DPP6: variants seen among roughly 807,000 people sequenced by gnomAD.
DPP6 encodes A-type potassium channel modulatory protein DPP6.
In DPP6, 69 loss-of-function variants were observed where a neutral mutation model predicts 122.6. The ratio of observed to expected loss-of-function variants is 0.56; its 90% CI spans 0.46 to 0.69. The LOEUF (loss-of-function observed/expected upper bound fraction) is 0.69, where lower values mean the gene tolerates loss of function less well. Among genes scored for constraint, DPP6 ranks in the 30% least tolerant of loss-of-function variants. The probability of loss-of-function intolerance (pLI) is 0.00; values close to 1 mark genes in which losing one functional copy is unlikely to be tolerated. For synonymous variants in DPP6, 418 were observed against 433.1 expected (o/e 0.97, Z 0.43); for missense variants, 928 against 1,116.9 (o/e 0.83, Z 2.41).
At chr7:154,637,689 CTT>C (rs1334309403) in intron 5 of DPP6, 130 bp from the exon 6 acceptor site, 2 of 837,446 alleles carry the variant, frequency 2.4e-6, no homozygotes, top group Non-Finnish European at 3.6e-6. Flanking sequence ...AAATAAAAGA[CTT>C]TGTCTCCAGG....
chr7:154,539,286 G>A (rs1008840309), intron 3 of DPP6, among the ~76,000 whole-genome samples: 8 of 152,174 alleles, frequency 5.3e-5, no homozygotes, highest in Non-Finnish European at 1.0e-4. Flanking sequence ...GGTAGTGGCT[G>A]CAAAATGGTA....
intron 5 of DPP6, among the ~76,000 whole-genome samples, chr7:154,615,889 G>A (rs2015100): frequency 0.41 from 62,302 of 151,944 alleles, 13,653 homozygotes; most frequent in East Asian, 0.61. Flanking sequence ...ACTGACTCCC[G>A]CTTCCCACTC....
chr7:153,897,963 G>A (rs1448380845), intron 1 of DPP6, among the ~76,000 whole-genome samples: 2 of 152,144 alleles, frequency 1.3e-5, no homozygotes, highest in Non-Finnish European at 2.9e-5. Context: ...AAAGCTGTGT[G>A]GATAAGGAGC....
chr7:154,844,260 T>G (rs560901363), intron 16 of DPP6, among the ~76,000 whole-genome samples: 2 of 152,320 alleles, frequency 1.3e-5, no homozygotes, highest in East Asian at 3.9e-4. Context: ...AAAAAACCAA[T>G]GTGGTAAAAA....
intron 8 of DPP6, among the ~76,000 whole-genome samples, chr7:154,764,133 A>G (rs1377433136): frequency 6.6e-6 from 1 of 152,120 alleles, no homozygotes; most frequent in Non-Finnish European, 1.5e-5. Flanking sequence ...TGGGATACAG[A>G]GGGGAGAGCT....
At chr7:154,060,303 C>T (rs1222863349) in intron 1 of DPP6, among the ~76,000 whole-genome samples, 2 of 134,588 alleles carry the variant, frequency 1.5e-5, no homozygotes, top group Non-Finnish European at 1.7e-5. Flanking sequence ...TCTTCCCCCC[C>T]TGGCTCTTAG....
intron 1 of DPP6, among the ~76,000 whole-genome samples, chr7:154,118,566 T>G (rs931311107): frequency 6.7e-6 from 1 of 150,106 alleles, no homozygotes; most frequent in Admixed American, 6.7e-5. Context: ...GGAGGGGCCA[T>G]GAACCCCTGC....
At chr7:153,761,335 A>AT in the DPP6 span, among the ~76,000 whole-genome samples, 1 of 152,232 alleles carries the variant, frequency 6.6e-6, no homozygotes, top group South Asian at 2.1e-4. Context: ...TGTATGAGAA[A>AT]TTTTAAATTA....
chr7:154,000,363 T>C (rs942491092), intron 1 of DPP6, among the ~76,000 whole-genome samples: 15 of 152,270 alleles, frequency 9.9e-5, no homozygotes, highest in African/African-American at 3.6e-4. Context: ...GCACTGAGGA[T>C]GGCCTTAGCT....
the DPP6 span, among the ~76,000 whole-genome samples, chr7:153,856,906 G>A: frequency 6.6e-5 from 10 of 152,126 alleles, no homozygotes; most frequent in Admixed American, 5.9e-4. Context: ...CAGACACTTA[G>A]CCTAAGACAA....
At chr7:154,086,405 TAAAG>T (rs1804426599) in intron 1 of DPP6, among the ~76,000 whole-genome samples, 1 of 147,816 alleles carries the variant, frequency 6.8e-6, no homozygotes, top group African/African-American at 2.5e-5. Context: ...ACTTTACCCA[TAAAG>T]AAAGTGGCAG....
intron 8 of DPP6, among the ~76,000 whole-genome samples, chr7:154,750,936 C>T (rs1843349899): frequency 6.6e-6 from 1 of 152,150 alleles, no homozygotes; most frequent in Non-Finnish European, 1.5e-5. Flanking sequence ...TGGGTGGTGA[C>T]ATCTCCAAGG....
intron 1 of DPP6, among the ~76,000 whole-genome samples, chr7:153,988,164 CGGAGGAGGGAG>C (rs1448689700): frequency 2.0e-5 from 3 of 151,982 alleles, no homozygotes; most frequent in Non-Finnish European, 4.4e-5. Flanking sequence ...TTTCCCTTGA[CGGAGGAGGGAG>C]GGAGGGCGTC....
chr7:154,553,507 G>T (rs6962496), intron 4 of DPP6, among the ~76,000 whole-genome samples: 1 of 152,010 alleles, frequency 6.6e-6, no homozygotes, highest in African/African-American at 2.4e-5. Flanking sequence ...AACACTCTAC[G>T]TTCATTATCT....
chr7:154,840,727 C>T (rs1235235707), intron 16 of DPP6, among the ~76,000 whole-genome samples: 2 of 152,104 alleles, frequency 1.3e-5, no homozygotes, highest in African/African-American at 4.8e-5. Flanking sequence ...TTTATCATAC[C>T]TTCATTACCA....
At chr7:154,344,962 T>C (rs937307054) in intron 1 of DPP6, among the ~76,000 whole-genome samples, 1 of 152,186 alleles carries the variant, frequency 6.6e-6, no homozygotes, top group African/African-American at 2.4e-5. Flanking sequence ...GTTTAAATGC[T>C]TAATAGCTGG....
At chr7:154,726,776 A>G (rs1051275137) in intron 7 of DPP6, among the ~76,000 whole-genome samples, 9 of 152,242 alleles carry the variant, frequency 5.9e-5, no homozygotes, top group African/African-American at 2.2e-4. Flanking sequence ...CAAATTTTCC[A>G]AACTTTTATG....
chr7:153,782,853 G>T, the DPP6 span, among the ~76,000 whole-genome samples: 14 of 152,232 alleles, frequency 9.2e-5, no homozygotes, highest in Non-Finnish European at 1.9e-4. Context: ...TCCAGTCAAG[G>T]TCCATAGACA....
chr7:154,602,384 AC>A (rs1833439091), intron 5 of DPP6, among the ~76,000 whole-genome samples: 1 of 121,078 alleles, frequency 8.3e-6, no homozygotes. Context: ...AAGAAAAAAA[AC>A]AGCTTTATAT....
Sources: allele counts gnomAD v4.1 joint callset (sites outside exome capture counted in the v4.1 genomes callset), GRCh38; gene constraint gnomAD v4.1.1; transcripts MANE v1.5; gene names NCBI Gene and HGNC (gene_info 2026-07-23, HGNC 2026-07-21).